ZNF827: variants seen among roughly 807,000 people sequenced by gnomAD.
The protein encoded by ZNF827 is zinc finger protein 827.
A neutral mutation model predicts 102.4 loss-of-function variants in ZNF827; 13 were observed. That is an observed-to-expected ratio of 0.13 (90% confidence interval 0.08 to 0.20). The LOEUF is 0.20. ZNF827 is among the 10% of genes least tolerant of loss of function. The pLI, the probability that ZNF827 is intolerant of heterozygous loss-of-function variation, is 1.00. For synonymous variants in ZNF827, 523 were observed against 536.2 expected (o/e 0.98, Z 0.34); for missense variants, 1,103 against 1,344.4 (o/e 0.82, Z 2.81).
intron 8 of ZNF827, among the ~76,000 whole-genome samples, chr4:145,787,384 AC>A (rs537414769): frequency 1.6e-3 from 245 of 148,996 alleles, no homozygotes; most frequent in African/African-American, 6.0e-3. Context: ...AATCGCTTGA[AC>A]CCGGAGGTAG....
At chr4:145,812,943 A>G (rs995021379) in intron 8 of ZNF827, among the ~76,000 whole-genome samples, 5 of 152,192 alleles carry the variant, frequency 3.3e-5, no homozygotes, top group Non-Finnish European at 7.3e-5. Flanking sequence ...AAAATATTAA[A>G]TGGAAAATTC....
chr4:145,835,357 G>A (rs1030177992), intron 7 of ZNF827: 3 of 151,870 alleles, frequency 2.0e-5, no homozygotes, highest in Admixed American at 1.3e-4. Context: ...TTCTTTTCAA[G>A]GGCCTGTTTC....
chr4:145,819,169 C>CAG (rs1234534842), intron 8 of ZNF827, among the ~76,000 whole-genome samples: 3 of 151,818 alleles, frequency 2.0e-5, no homozygotes, highest in South Asian at 4.2e-4. Flanking sequence ...AATATAATTG[C>CAG]AGATGTGCTT....
chr4:145,824,413 C>A (rs192894434), intron 7 of ZNF827, among the ~76,000 whole-genome samples: 2 of 152,132 alleles, frequency 1.3e-5, no homozygotes, highest in South Asian at 4.1e-4. Context: ...TTACAACAGA[C>A]GAAATTCAAC....
chr4:145,791,333 C>A (rs190031200), intron 8 of ZNF827, among the ~76,000 whole-genome samples: 1 of 152,316 alleles, frequency 6.6e-6, no homozygotes, highest in Non-Finnish European at 1.5e-5. Flanking sequence ...GAGGGCTCCA[C>A]TCCCAAGACC....
intron 1 of ZNF827, among the ~76,000 whole-genome samples, chr4:145,930,298 C>T (rs1323374808): frequency 6.6e-6 from 1 of 152,178 alleles, no homozygotes; most frequent in Non-Finnish European, 1.5e-5. Flanking sequence ...TCCTGGCCTT[C>T]TTCAGTCTCC....
intron 7 of ZNF827, among the ~76,000 whole-genome samples, chr4:145,826,144 CAG>C (rs770910602): frequency 9.2e-5 from 14 of 152,276 alleles, no homozygotes; most frequent in Admixed American, 2.0e-4. Flanking sequence ...GCTAGTTTTG[CAG>C]AGAGTTTGGA....
chr4:145,867,313 C>T (rs759488108), intron 5 of ZNF827, among the ~76,000 whole-genome samples: 2 of 152,216 alleles, frequency 1.3e-5, no homozygotes, highest in African/African-American at 4.8e-5. Flanking sequence ...TGAGCCTACT[C>T]TAGCTCATCT....
intron 1 of ZNF827, among the ~76,000 whole-genome samples, chr4:145,912,636 TA>T (rs1752372065): frequency 6.6e-6 from 1 of 152,110 alleles, no homozygotes; most frequent in Admixed American, 6.5e-5. Context: ...GGTGTCCTTA[TA>T]AAAGGGGGAA....
In ZNF827 at chr4:145,758,113, CAAT is replaced by C. The variant is rs764718979; in HGVS notation, c.*3500_*3502del. On this transcript the variant is annotated 3_prime_UTR_variant, in exon 15 of 15. Coordinates refer to ENST00000508784, the MANE Select transcript of ZNF827 (RefSeq NM_001306215.2). ...TGTAGATTTTTTTCTTTATTAATAA[CAAT>C]AATAATATAAAAAGTCAAACAAACT... 1.3e-5 allele frequency: 2 copies of C among 152,004 alleles called. No individual in the cohort carries two copies. Among genetic ancestry groups the C allele is most frequent in the African/African-American group, 2.4e-5 (1 of 41,398 alleles). The allele number at this position is 152,004 out of a possible 1,614,324, so 9.4% of individuals were successfully genotyped here. A position where few individuals can be genotyped will look rare whatever the true frequency, so the allele number is the denominator to read the frequency against.
chr4:145,911,452 G>A (rs1327242663), intron 1 of ZNF827, among the ~76,000 whole-genome samples: 1 of 152,152 alleles, frequency 6.6e-6, no homozygotes, highest in Non-Finnish European at 1.5e-5. Context: ...TCAATAATGG[G>A]TGACTATCAT....
chr4:145,937,346 T>C (rs1240198275), intron 1 of ZNF827, among the ~76,000 whole-genome samples: 2 of 151,838 alleles, frequency 1.3e-5, no homozygotes, highest in Non-Finnish European at 2.9e-5. Context: ...CTGCTCAGGC[T>C]CGCCAAGGAG....
intron 1 of ZNF827, among the ~76,000 whole-genome samples, chr4:145,912,905 A>G (rs570684678): frequency 1.3e-5 from 2 of 152,228 alleles, no homozygotes; most frequent in Non-Finnish European, 2.9e-5. Context: ...TAATATAAGT[A>G]TATTTGGATG....
At chr4:145,845,564 A>G (rs1745847446) in intron 7 of ZNF827, among the ~76,000 whole-genome samples, 1 of 152,178 alleles carries the variant, frequency 6.6e-6, no homozygotes, top group Non-Finnish European at 1.5e-5. Context: ...CAGGGTTGCA[A>G]TAAGACAGAA....
chr4:145,853,499 G>A (rs1206636717), intron 5 of ZNF827, among the ~76,000 whole-genome samples: 1 of 152,092 alleles, frequency 6.6e-6, no homozygotes, highest in Non-Finnish European at 1.5e-5. Flanking sequence ...AGGATCTATT[G>A]AGCCAGGGAG....
chr4:145,806,546 CT>C (rs1292852972), intron 8 of ZNF827, among the ~76,000 whole-genome samples: 14 of 152,064 alleles, frequency 9.2e-5, no homozygotes, highest in Admixed American at 3.9e-4. Context: ...ATACTCAGAT[CT>C]TTTTTTTAAT....
At chr4:145,844,712 A>C (rs1435840149) in intron 7 of ZNF827, among the ~76,000 whole-genome samples, 2 of 148,706 alleles carry the variant, frequency 1.3e-5, no homozygotes, top group Non-Finnish European at 3.0e-5. Context: ...AAATAAATAA[A>C]TAAATAAATA....
intron 7 of ZNF827, among the ~76,000 whole-genome samples, chr4:145,833,952 A>C (rs1167157698): frequency 3.6e-5 from 5 of 140,440 alleles, no homozygotes; most frequent in African/African-American, 8.2e-5. Flanking sequence ...CCTTCCCTCC[A>C]TTTCTCTACT....
At chr4:145,857,268 T>A (rs998414007) in intron 5 of ZNF827, among the ~76,000 whole-genome samples, 5 of 152,248 alleles carry the variant, frequency 3.3e-5, no homozygotes, top group African/African-American at 1.2e-4. Flanking sequence ...TCTATTTTGC[T>A]AACTTTTTGA....
Sources: allele counts gnomAD v4.1 joint callset (sites outside exome capture counted in the v4.1 genomes callset), GRCh38; gene constraint gnomAD v4.1.1; transcripts MANE v1.5; gene names NCBI Gene and HGNC (gene_info 2026-07-23, HGNC 2026-07-21).